The following PIWIL2 variants were observed in gnomAD, a reference collection of about 807,000 sequenced individuals.
PIWIL2 encodes the protein piwi like RNA-mediated gene silencing 2.
PIWIL2 carries 81 observed loss-of-function variants against 116.5 expected under a neutral mutation model. The observed-to-expected ratio is 0.70, with a 90% CI of 0.58 to 0.84. The LOEUF (loss-of-function observed/expected upper bound fraction) is 0.84. Ranked by LOEUF, PIWIL2 falls within the 40% of genes least tolerant of loss-of-function variation. The pLI is 0.00. For synonymous variants in PIWIL2, 489 were observed against 429.5 expected (o/e 1.14, Z -1.71); for missense variants, 1,272 against 1,212.3 (o/e 1.05, Z -0.73).
At chr8:22,316,725 G>C (rs551007779) in intron 19 of PIWIL2, among the ~76,000 whole-genome samples, 1 of 151,090 alleles carries the variant, frequency 6.6e-6, no homozygotes, top group African/African-American at 2.4e-5. Flanking sequence ...CAGGTGATCC[G>C]CCCACCTCAG....
intron 21 of PIWIL2, among the ~76,000 whole-genome samples, chr8:22,353,763 A>ATTTTTT (rs1563438535): frequency 1.6e-5 from 1 of 61,554 alleles, no homozygotes; most frequent in Admixed American, 2.0e-4. Flanking sequence ...AGTTTCTACC[A>ATTTTTT]CTTTTTTTTT....
chr8:22,306,129 A>T, intron 13 of PIWIL2, 113 bp downstream of exon 13: 2 of 715,168 alleles, frequency 2.8e-6, no homozygotes, highest in Admixed American at 4.5e-5. Context: ...CTTGCATTGT[A>T]ACCTGGGCCT....
chr8:22,341,918 A>G, intron 20 of PIWIL2, among the ~76,000 whole-genome samples: 1 of 151,846 alleles, frequency 6.6e-6, no homozygotes. Context: ...CCCTGCTAGA[A>G]CTAGTAAGTG....
Position 22,304,186 on chromosome 8 carries a change from G to T in PIWIL2, c.1347G>T (p.Glu449Asp), listed in dbSNP as rs1201041909. Residue 449 changes from glutamate (E) to aspartate (D), a missense_variant, in exon 11 of 23, where the codon GAG (glutamate) becomes GAT (aspartate). Transcript: ENST00000356766. ...KDSFTMSDGK[E>D]ITFLEYYSKN... ...GCTTCACGATGTCTGATGGGAAAGA[G>T]ATCACATTCTTGGAATACTACAGGT... The T allele has an allele frequency of 6.2e-7, 1 of 1,613,438 alleles. No homozygotes were observed.
intron 20 of PIWIL2, among the ~76,000 whole-genome samples, chr8:22,342,512 G>A (rs1348407652): frequency 6.6e-6 from 1 of 152,140 alleles, no homozygotes; most frequent in African/African-American, 2.4e-5. Flanking sequence ...AAGGAACAAA[G>A]GCAAGTCAGT....
chr8:22,307,837 A>C (rs767200865), intron 13 of PIWIL2, 96 bp from the exon 14 acceptor site: 55 of 904,238 alleles, frequency 6.1e-5, no homozygotes, highest in Non-Finnish European at 8.8e-5. Context: ...GCTGATTTCA[A>C]TGGGAAAGAG....
chr8:22,334,084 G>C (rs1431336473), intron 20 of PIWIL2, among the ~76,000 whole-genome samples: 1 of 150,736 alleles, frequency 6.6e-6, no homozygotes, highest in Non-Finnish European at 1.5e-5. Context: ...AGCAATTCTT[G>C]TGCCTCAGCC....
intron 14 of PIWIL2, among the ~76,000 whole-genome samples, chr8:22,308,718 T>C (rs1432074889): frequency 3.3e-5 from 5 of 152,104 alleles, no homozygotes; most frequent in Non-Finnish European, 7.4e-5. Flanking sequence ...AATCTTTGTG[T>C]GTGTTATTTA....
chr8:22,285,433 G>A (rs995153940), intron 6 of PIWIL2, among the ~76,000 whole-genome samples: 4 of 152,116 alleles, frequency 2.6e-5, no homozygotes, highest in South Asian at 2.1e-4. Context: ...ATAGTATTCC[G>A]TTGTGTATGT....
chr8:22,304,349 A>G, intron 11 of PIWIL2, 140 bp downstream of exon 11: 1 of 598,254 alleles, frequency 1.7e-6, no homozygotes, highest in Non-Finnish European at 2.9e-6. Context: ...CTAACACTGA[A>G]TGAGCTTGTT....
At chr8:22,342,481 A>T (rs771299185) in intron 20 of PIWIL2, among the ~76,000 whole-genome samples, 1 of 152,214 alleles carries the variant, frequency 6.6e-6, no homozygotes, top group Non-Finnish European at 1.5e-5. Context: ...ACACACAAAT[A>T]TAGTCAAGTG....
At chr8:22,296,676 T>A (rs1283738107) in intron 10 of PIWIL2, among the ~76,000 whole-genome samples, 1 of 152,232 alleles carries the variant, frequency 6.6e-6, no homozygotes. Context: ...GATTCCAGAA[T>A]CTTTGTATGT....
At chr8:22,308,602 A>AGAGGGAGAC (rs1831246326) in intron 14 of PIWIL2, among the ~76,000 whole-genome samples, 2 of 152,098 alleles carry the variant, frequency 1.3e-5, no homozygotes, top group African/African-American at 4.8e-5. Context: ...GCAGTGAGCC[A>AGAGGGAGAC]AGATGGGGCC....
chr8:22,345,436 G>A (rs1354292696), intron 20 of PIWIL2, among the ~76,000 whole-genome samples: 181 of 152,036 alleles, frequency 1.2e-3, no homozygotes, highest in Non-Finnish European at 1.9e-3. Context: ...TGAGGCGGGC[G>A]GATCACTTGA....
Position 22,307,932 on chromosome 8 carries a change from G to A in PIWIL2, c.1546-1G>A, listed in dbSNP as rs1831226251. 7 of 1,602,112 alleles carry A rather than the reference G, an allele frequency of 4.4e-6. No individual in the cohort carries two copies. The highest frequency in any genetic ancestry group is 5.1e-6 in the Non-Finnish European group (6 of 1,172,120). ...GTTATCTTTATTTTAATTCTGTTTA[G>A]GATTTGGCTCAGCAAATCAATCTGA... On this transcript the variant is annotated splice_acceptor_variant, in intron 13 of 22. Coordinates refer to ENST00000356766, the MANE Select transcript of PIWIL2 (RefSeq NM_018068.5). LOFTEE classifies it high-confidence loss of function.
intron 10 of PIWIL2, among the ~76,000 whole-genome samples, chr8:22,291,459 A>G (rs533332475): frequency 6.6e-6 from 1 of 152,188 alleles, no homozygotes; most frequent in Non-Finnish European, 1.5e-5. Flanking sequence ...CCAGATGTGT[A>G]TAATTTTTAG....
At chr8:22,277,787 CTT>C (rs891839310) in intron 1 of PIWIL2, among the ~76,000 whole-genome samples, 13 of 152,272 alleles carry the variant, frequency 8.5e-5, no homozygotes, top group African/African-American at 3.1e-4. Context: ...AGTTAGGACT[CTT>C]ATGTAGGAAA....
In PIWIL2 at chr8:22,348,596, C is replaced by T. The variant is rs570318779; in HGVS notation, c.2404-4363C>T. 1.4e-3 allele frequency among the ~76,000 whole-genome samples: 216 copies of T among 152,248 alleles called. 3 individuals carry two copies. Among genetic ancestry groups the T allele is most frequent in the African/African-American group, 4.9e-3 (204 of 41,550 alleles). On this transcript the variant is annotated intron_variant, in intron 20 of 22. Transcript: ENST00000356766. The stretch of plus-strand genomic sequence containing the variant: ...TTCCAACCTGGGCAACATATTGAGA[C>T]TTCGTCTCTACTATAAATAAAAAAA...
chr8:22,304,730 C>CT (rs1206685088), intron 11 of PIWIL2, 54 bp from the exon 12 acceptor site: 2 of 993,302 alleles, frequency 2.0e-6, no homozygotes, highest in Non-Finnish European at 3.3e-6. Context: ...CTATGGTGCT[C>CT]TAAGAGTATT....
Sources: allele counts gnomAD v4.1 joint callset (sites outside exome capture counted in the v4.1 genomes callset), GRCh38; gene constraint gnomAD v4.1.1; transcripts MANE v1.5; gene names NCBI Gene and HGNC (gene_info 2026-07-23, HGNC 2026-07-21).